EXOC6B: variants seen among roughly 807,000 people sequenced by gnomAD.
EXOC6B encodes exocyst complex component 6B.
Under a neutral mutation model 113.5 loss-of-function variants are expected in EXOC6B, and 54 were observed. The ratio of observed to expected loss-of-function variants is 0.48; its 90% CI spans 0.38 to 0.60. The LOEUF is 0.60. EXOC6B is among the 20% of genes least tolerant of loss of function. EXOC6B has a pLI of 0.00. For missense variants in EXOC6B, 797 were observed against 977.5 expected, an observed-to-expected ratio of 0.82 and a Z score of 2.46; for synonymous variants, 357 against 339.0, an observed-to-expected ratio of 1.05 and a Z score of -0.58.
intron 6 of EXOC6B, among the ~76,000 whole-genome samples, chr2:72,674,832 C>T (rs1676174893): frequency 6.6e-6 from 1 of 151,876 alleles, no homozygotes; most frequent in African/African-American, 2.4e-5. Flanking sequence ...GACTGAAAAA[C>T]ATAAATAATG....
rs533785739 is a variant in EXOC6B at position 72,774,247 on chromosome 2, G to T, written c.114-32778C>A. Among the ~76,000 whole-genome samples, 3 of 152,270 alleles carry T rather than the reference G, an allele frequency of 2.0e-5. No individual in the cohort carries two copies. In the South Asian group the frequency reaches 6.2e-4, roughly 32 times the overall value. On this transcript the variant is annotated intron_variant, in intron 1 of 21. Transcript: ENST00000272427. ...CAACAGGCTACCTCAGTGAAAATAT[G>T]AACTGGTAGCAACAGAAAATTCTGC...
chr2:72,186,413 G>A (rs942617033), intron 20 of EXOC6B, among the ~76,000 whole-genome samples: 2 of 152,130 alleles, frequency 1.3e-5, no homozygotes, highest in African/African-American at 2.4e-5. Context: ...GGTACTGAGA[G>A]TACCCCTTGT....
intron 7 of EXOC6B, among the ~76,000 whole-genome samples, chr2:72,560,019 T>C (rs1703805096): frequency 6.6e-6 from 1 of 151,970 alleles, no homozygotes; most frequent in Non-Finnish European, 1.5e-5. Flanking sequence ...CAACATGCAA[T>C]CAAAATACAG....
chr2:72,244,852 A>G (rs1197915078), intron 20 of EXOC6B, among the ~76,000 whole-genome samples: 3 of 152,156 alleles, frequency 2.0e-5, no homozygotes, highest in Non-Finnish European at 4.4e-5. Flanking sequence ...AGAAATGAAG[A>G]ACTGGAATTT....
chr2:72,754,605 C>G (rs1275677251), intron 1 of EXOC6B, among the ~76,000 whole-genome samples: 2 of 145,888 alleles, frequency 1.4e-5, no homozygotes, highest in East Asian at 4.0e-4. Flanking sequence ...TTTTTAATAG[C>G]TTTTTTTTTT....
At chr2:72,344,927 C>T (rs1361965763) in intron 19 of EXOC6B, among the ~76,000 whole-genome samples, 1 of 151,944 alleles carries the variant, frequency 6.6e-6, no homozygotes. Flanking sequence ...AGAATGGTCG[C>T]CCATCTCCAT....
chr2:72,513,067 A>G, intron 11 of EXOC6B, 65 bp downstream of exon 11: 2 of 1,567,332 alleles, frequency 1.3e-6, no homozygotes, highest in Non-Finnish European at 8.7e-7. Context: ...ATTTTAAAGC[A>G]GTAAAACACT....
intron 20 of EXOC6B, among the ~76,000 whole-genome samples, chr2:72,331,368 T>C (rs1454472287): frequency 6.6e-6 from 1 of 152,098 alleles, no homozygotes; most frequent in African/African-American, 2.4e-5. Flanking sequence ...TGTTTAACCA[T>C]GGAAGAAAAA....
At chr2:72,236,995 A>T (rs140786749) in intron 20 of EXOC6B, among the ~76,000 whole-genome samples, 10 of 152,300 alleles carry the variant, frequency 6.6e-5, no homozygotes, top group African/African-American at 2.2e-4. Context: ...TTGCTATAAA[A>T]TCTACACATA....
intron 20 of EXOC6B, among the ~76,000 whole-genome samples, chr2:72,254,309 G>T (rs1683211027): frequency 6.6e-6 from 1 of 152,188 alleles, no homozygotes; most frequent in African/African-American, 2.4e-5. Flanking sequence ...AAGAGTAGAA[G>T]ACATGAGGAG....
At position 72,393,144 on chromosome 2, in the gene EXOC6B, GA is replaced by G. The variant is rs530419506; in HGVS notation, c.1981-13275del. Among the ~76,000 whole-genome samples the G allele has an allele frequency of 2.9e-3, 436 of 151,926 alleles. 4 individuals are homozygous for G. Among genetic ancestry groups the G allele is most frequent in the African/African-American group, 1.0e-2 (414 of 41,444 alleles). ...AAAGTCTCACTCTGTAACCAGGCTG[GA>G]GTGCAGTGGCATGATCTCAGCTCAC... On this transcript the variant is annotated intron_variant, in intron 18 of 21. Transcript: ENST00000272427.
intron 11 of EXOC6B, among the ~76,000 whole-genome samples, chr2:72,507,538 AC>A (rs778642477): frequency 2.6e-5 from 4 of 152,094 alleles, no homozygotes; most frequent in Non-Finnish European, 5.9e-5. Context: ...TATGTAACAA[AC>A]CTGCACATCC....
chr2:72,358,601 T>A (rs1224432723), intron 19 of EXOC6B, among the ~76,000 whole-genome samples: 1 of 152,236 alleles, frequency 6.6e-6, no homozygotes, highest in Admixed American at 6.5e-5. Context: ...AAGTTGAGTA[T>A]GCCCAAACTA....
intron 6 of EXOC6B, among the ~76,000 whole-genome samples, chr2:72,667,751 GA>G (rs1450373482): frequency 1.3e-5 from 2 of 152,096 alleles, no homozygotes; most frequent in Non-Finnish European, 2.9e-5. Context: ...TTAAATGTAA[GA>G]CCTCAAACTA....
intron 18 of EXOC6B, chr2:72,463,089 TA>T (rs1354961892): frequency 6.6e-6 from 1 of 152,146 alleles, no homozygotes; most frequent in Non-Finnish European, 1.5e-5. Context: ...TATATTAACA[TA>T]TTTTTTTAAA....
At chr2:72,329,716 T>G (rs935838116) in intron 20 of EXOC6B, among the ~76,000 whole-genome samples, 1 of 152,078 alleles carries the variant, frequency 6.6e-6, no homozygotes, top group Non-Finnish European at 1.5e-5. Context: ...CAGTTCTACA[T>G]AGTTAAGTTC....
chr2:72,447,004 T>C (rs1696622432), intron 18 of EXOC6B, among the ~76,000 whole-genome samples: 1 of 151,806 alleles, frequency 6.6e-6, no homozygotes, highest in Non-Finnish European at 1.5e-5. Flanking sequence ...CTCAGGAGGC[T>C]GAGGCAGGAG....
chr2:72,264,683 T>C (rs1683941447), intron 20 of EXOC6B, among the ~76,000 whole-genome samples: 1 of 151,978 alleles, frequency 6.6e-6, no homozygotes, highest in South Asian at 2.1e-4. Context: ...TGGGGCCAGG[T>C]GGAGGTAATT....
intron 20 of EXOC6B, among the ~76,000 whole-genome samples, chr2:72,243,435 C>T (rs1396889527): frequency 6.6e-6 from 1 of 152,136 alleles, no homozygotes; most frequent in East Asian, 1.9e-4. Context: ...GAGTTCATGT[C>T]CATTGCAGGG....
Sources: gnomAD v4.1 joint callset for allele counts (sites outside exome capture counted in the v4.1 genomes callset) on GRCh38, gnomAD v4.1.1 for gene constraint, MANE v1.5 for transcripts, NCBI Gene and HGNC (gene_info 2026-07-23, HGNC 2026-07-21) for gene names.